KCNQ1: variants seen among roughly 807,000 people sequenced by gnomAD.
KCNQ1 encodes potassium voltage-gated channel subfamily Q member 1, also known as potassium voltage-gated channel subfamily KQT member 1.
KCNQ1 carries 49 observed loss-of-function variants against 72.4 expected under a neutral mutation model. The observed-to-expected ratio is 0.68, with a 90% CI of 0.54 to 0.86. The LOEUF (loss-of-function observed/expected upper bound fraction) is 0.86. Among genes scored for constraint, KCNQ1 ranks in the 40% least tolerant of loss-of-function variants. KCNQ1 has a pLI of 0.00. For missense variants in KCNQ1, 790 were observed against 945.1 expected, an observed-to-expected ratio of 0.84 and a Z score of 2.15; for synonymous variants, 450 against 412.6, an observed-to-expected ratio of 1.09 and a Z score of -1.10.
chr11:2,701,912 T>A (rs7937388), intron 11 of KCNQ1, among the ~76,000 whole-genome samples: 2 of 152,344 alleles, frequency 1.3e-5, no homozygotes, highest in African/African-American at 4.8e-5. Context: ...GCTGACAGCC[T>A]CTTGGAGCCA....
Position 2,471,304 on chromosome 11 carries a change from C to T in KCNQ1, c.386+25820C>T, listed in dbSNP as rs1846451110. ...AAGTGGGGATCAGCAGGGCTGTACC[C>T]CAAATGCTGCTTGCTTCTCCCGCCC... On this transcript the variant is annotated intron_variant, in intron 1 of 15. Transcript: ENST00000155840. The surrounding 1 kb of genome is among the most constrained non-coding windows in gnomAD (Gnocchi z 4.8). 1.3e-5 allele frequency among the ~76,000 whole-genome samples: 2 copies of T among 152,022 alleles called. No individual in the cohort carries two copies. Among genetic ancestry groups the T allele is most frequent in the African/African-American group, 4.8e-5 (2 of 41,360 alleles).
At chr11:2,490,157 G>T (rs948106868) in intron 1 of KCNQ1, among the ~76,000 whole-genome samples, 1 of 152,222 alleles carries the variant, frequency 6.6e-6, no homozygotes, top group Admixed American at 6.5e-5. Flanking sequence ...GCCTGTAGTG[G>T]TGGTGGCCAC....
In KCNQ1 at chr11:2,462,594, G is replaced by A. The variant is rs116320195; in HGVS notation, c.386+17110G>A. Reference sequence around the variant, plus strand: ...GGGACGTGCTCCCACACCCCCATGCGCCATCCTGCAGGTGCTTTCTGCTGA... The same window carrying A: ...GGGACGTGCTCCCACACCCCCATGCACCATCCTGCAGGTGCTTTCTGCTGA... On this transcript the variant is annotated intron_variant, in intron 1 of 15. Coordinates refer to ENST00000155840, the MANE Select transcript of KCNQ1 (RefSeq NM_000218.3). This position sits in a 1 kb window ranked among gnomAD's most constrained non-coding sequence, Gnocchi z 8.2. Among the ~76,000 whole-genome samples the A allele has an allele frequency of 8.8e-3, 1,343 of 152,198 alleles. 16 individuals carry two copies. The highest frequency in any genetic ancestry group is 0.029 in the South Asian group (140 of 4,816).
Position 2,626,959 on chromosome 11 carries a change from A to G in KCNQ1, c.1394-35002A>G, listed in dbSNP as rs907109021. The G allele has an allele frequency of 2.5e-6, 1 of 398,608 alleles. No individual in the cohort carries two copies. The highest frequency in any genetic ancestry group is 4.4e-6 in the Non-Finnish European group (1 of 226,072). The allele number at this position is 398,608 out of a possible 1,614,324, so 24.7% of individuals were successfully genotyped here. ...GATGGGGTTTCTTCTTTCTGCAAAT[A>G]ACATCATTAGGATTTTTATTGGGAT... On this transcript the variant is annotated intron_variant, in intron 10 of 15. Coordinates refer to ENST00000155840, the MANE Select transcript of KCNQ1 (RefSeq NM_000218.3). This position sits in a 1 kb window ranked among gnomAD's most constrained non-coding sequence, Gnocchi z 4.0.
At chr11:2,729,841 AAGAC>A (rs984641537) in intron 11 of KCNQ1, among the ~76,000 whole-genome samples, 9 of 152,096 alleles carry the variant, frequency 5.9e-5, no homozygotes, top group African/African-American at 1.9e-4. Flanking sequence ...AGGGAAAACA[AAGAC>A]AGGCAGGGCT....
chr11:2,616,365 CTGT>C (rs1008714796), intron 10 of KCNQ1: 16 of 397,682 alleles, frequency 4.0e-5, no homozygotes, highest in Admixed American at 2.2e-4. Context: ...TAAATTATCT[CTGT>C]TGTTTATTTA....
At chr11:2,517,384 C>G (rs1589924218) in intron 1 of KCNQ1, among the ~76,000 whole-genome samples, 1 of 152,186 alleles carries the variant, frequency 6.6e-6, no homozygotes, top group South Asian at 2.1e-4. Context: ...ACATGGCATT[C>G]TGTCTGCACC....
chr11:2,644,782 G>A (rs1849641158), intron 10 of KCNQ1: 7 of 398,640 alleles, frequency 1.8e-5, no homozygotes, highest in Non-Finnish European at 2.7e-5. Flanking sequence ...GCCTGCAGTA[G>A]TGTGATCTCC....
rs1849814384 is a variant in KCNQ1, at chr11:2,654,805, A to C, written c.1394-7156A>C. 2.5e-6 allele frequency: 1 copy of C among 398,538 alleles called. No homozygotes were observed. The highest frequency in any genetic ancestry group is 4.4e-6 in the Non-Finnish European group (1 of 226,156). 24.7% of individuals were successfully genotyped at this position (398,538 alleles called of 1,614,324 possible). A position where few individuals can be genotyped will look rare whatever the true frequency, so the allele number is the denominator to read the frequency against. On this transcript the variant is annotated intron_variant, in intron 10 of 15. Coordinates refer to ENST00000155840, the MANE Select transcript of KCNQ1 (RefSeq NM_000218.3). The surrounding 1 kb of genome is among the most constrained non-coding windows in gnomAD (Gnocchi z 6.4). ...GAATTTCTTGGGAACAGAAAGCCTC[A>C]AAGACTTTCATGATAGGAGAGCTCT...
Position 2,572,006 on chromosome 11 carries a change from T to A in KCNQ1, c.684-7T>A. ...GCTCCCTCAGCCCCACACCATCTCC[T>A]TCGCAGGGGCATCCGCTTCCTGCAG... On this transcript the variant is annotated splice_region_variant and splice_polypyrimidine_tract_variant and intron_variant, in intron 4 of 15. Transcript: ENST00000155840. The A allele has an allele frequency of 2.5e-6, 4 of 1,611,040 alleles. No individual in the cohort carries two copies. The highest frequency in any genetic ancestry group is 2.5e-6 in the Non-Finnish European group (3 of 1,178,972).
chr11:2,620,949 T>TTTTG lies in KCNQ1; in HGVS notation c.1393+32098_1393+32099insGTTT, dbSNP rs1255321599. ...TTTTTGTTGTTGTTGTTTTGTTTTG[T>TTTTG]TTTTTTTTGTCTGTTTTTTGCTTTT... On this transcript the variant is annotated intron_variant, in intron 10 of 15. Coordinates refer to ENST00000155840, the MANE Select transcript of KCNQ1 (RefSeq NM_000218.3). This position sits in a 1 kb window ranked among gnomAD's most constrained non-coding sequence, Gnocchi z 4.5. 2.8e-5 allele frequency: 7 copies of TTTTG among 252,972 alleles called. No homozygotes were observed. In the African/African-American group the frequency reaches 3.3e-4, roughly 12 times the overall value. The allele number at this position is 252,972 out of a possible 1,614,324, so 15.7% of individuals were successfully genotyped here. A position where few individuals can be genotyped will look rare whatever the true frequency, so the allele number is the denominator to read the frequency against.
At chr11:2,520,860 A>G (rs1847371119) in intron 1 of KCNQ1, among the ~76,000 whole-genome samples, 1 of 151,952 alleles carries the variant, frequency 6.6e-6, no homozygotes, top group Non-Finnish European at 1.5e-5. Context: ...TTGAAGTTAC[A>G]CATTCAAGGC....
intron 11 of KCNQ1, chr11:2,681,264 G>C (rs1193299464): frequency 2.5e-6 from 1 of 398,508 alleles, no homozygotes; most frequent in Admixed American, 4.4e-5. Flanking sequence ...CCAGGAGAGA[G>C]CTTCACTTTC....
intron 2 of KCNQ1, among the ~76,000 whole-genome samples, chr11:2,555,285 C>T (rs1039431631): frequency 6.6e-6 from 1 of 152,148 alleles, no homozygotes; most frequent in African/African-American, 2.4e-5. Flanking sequence ...AAAATAATGT[C>T]CCCCGCTCCA....
chr11:2,679,411 G>C lies in KCNQ1; in HGVS notation c.1514+17330G>C. ...TTTATTTGTAAAATGGGAATCATAAGAGTACCTTCCTCAGAGGGTTGTTAG... is the reference window on the plus strand; with the variant it reads ...TTTATTTGTAAAATGGGAATCATAACAGTACCTTCCTCAGAGGGTTGTTAG... On this transcript the variant is annotated intron_variant, in intron 11 of 15. Coordinates refer to ENST00000155840, the MANE Select transcript of KCNQ1 (RefSeq NM_000218.3). The surrounding 1 kb of genome is among the most constrained non-coding windows in gnomAD (Gnocchi z 4.8). 2.5e-6 allele frequency: 1 copy of C among 398,626 alleles called. No homozygotes were observed. The highest frequency in any genetic ancestry group is 4.4e-6 in the Non-Finnish European group (1 of 226,068). 24.7% of individuals were successfully genotyped at this position (398,626 alleles called of 1,614,324 possible). A position where few individuals can be genotyped will look rare whatever the true frequency, so the allele number is the denominator to read the frequency against.
intron 1 of KCNQ1, among the ~76,000 whole-genome samples, chr11:2,496,803 G>A (rs1228829197): frequency 1.3e-5 from 2 of 152,022 alleles, no homozygotes; most frequent in East Asian, 1.9e-4. Context: ...TTTTGGTGTG[G>A]TTTTGCAGTG....
rs1287968534 is a variant in KCNQ1 at position 2,492,387 on chromosome 11, C to T, written c.387-35541C>T. Among the ~76,000 whole-genome samples the T allele has an allele frequency of 2.0e-5, 3 of 152,182 alleles. No individual in the cohort carries two copies. The highest frequency in any genetic ancestry group is 4.4e-5 in the Non-Finnish European group (3 of 68,030). ...TACTTTAAGTTCTGGAATACGTGTG[C>T]TGAACGTGCAGGTTTGTTACATACG... On this transcript the variant is annotated intron_variant, in intron 1 of 15. Transcript: ENST00000155840. The surrounding 1 kb of genome is among the most constrained non-coding windows in gnomAD (Gnocchi z 4.1).
chr11:2,721,409 G>A (rs1420475240), intron 11 of KCNQ1, among the ~76,000 whole-genome samples: 1 of 152,250 alleles, frequency 6.6e-6, no homozygotes, highest in African/African-American at 2.4e-5. Flanking sequence ...CCCAGTCCTA[G>A]CTCAGCCTCC....
At chr11:2,584,667 G>A (rs1470096085) in intron 7 of KCNQ1, among the ~76,000 whole-genome samples, 2 of 151,930 alleles carry the variant, frequency 1.3e-5, no homozygotes, top group Non-Finnish European at 2.9e-5. Flanking sequence ...GTTAGTGTGT[G>A]GGTTAGTGTT....
Sources: allele counts gnomAD v4.1 joint callset (sites outside exome capture counted in the v4.1 genomes callset), GRCh38; gene constraint gnomAD v4.1.1; non-coding constraint Gnocchi (gnomAD v3.1); transcripts MANE v1.5; gene names NCBI Gene and HGNC (gene_info 2026-07-23, HGNC 2026-07-21).